Variants in RTL4 observed in about 807,000 individuals in gnomAD.
RTL4 encodes retrotransposon Gag like 4.
RTL4 carries 4 observed loss-of-function variants against 5.3 expected under a neutral mutation model. That is an observed-to-expected ratio of 0.75 (90% CI 0.37 to 1.72). RTL4 has a LOEUF of 1.72. Ranked by LOEUF, RTL4 falls within the 40% of genes most tolerant of loss-of-function variation. RTL4 has a pLI of 0.04. For synonymous variants in RTL4, 98 were observed against 87.3 expected (o/e 1.12, Z -0.68); for missense variants, 260 against 227.1 (o/e 1.14, Z -0.93).
At chrX:112,296,678 C>T in the RTL4 span, among the ~76,000 whole-genome samples, 1 of 105,055 alleles carries the variant, frequency 9.5e-6, no homozygotes, top group Non-Finnish European at 1.9e-5. Context: ...GGCACAATCT[C>T]GGCTCACTGC....
chrX:112,290,202 G>A, the RTL4 span, among the ~76,000 whole-genome samples: 28,175 of 110,788 alleles, frequency 0.25, 3,159 homozygotes, highest in African/African-American at 0.4. Flanking sequence ...AAAGGTAGCT[G>A]TTGATCATTG....
chrX:112,184,878 C>A, the RTL4 span, among the ~76,000 whole-genome samples: 1 of 111,623 alleles, frequency 9.0e-6, no homozygotes, highest in Non-Finnish European at 1.9e-5. Context: ...ACCTAAATAT[C>A]AGCTATCTTG....
the RTL4 span, among the ~76,000 whole-genome samples, chrX:112,286,104 G>A: frequency 2.7e-5 from 3 of 111,624 alleles, no homozygotes; most frequent in African/African-American, 6.5e-5. Context: ...TACTGTGTTT[G>A]ATAGGGTGAT....
the RTL4 span, among the ~76,000 whole-genome samples, chrX:112,163,581 A>G: frequency 1.8e-5 from 2 of 112,128 alleles, no homozygotes; most frequent in African/African-American, 3.2e-5. Flanking sequence ...TTGCATAACC[A>G]GAAACTGCTT....
At chrX:112,229,158 G>T in the RTL4 span, among the ~76,000 whole-genome samples, 1 of 112,056 alleles carries the variant, frequency 8.9e-6, no homozygotes, top group African/African-American at 3.2e-5. Flanking sequence ...TGTTCCTCCT[G>T]TTGGAGGGGC....
At chrX:112,083,088 C>T in the RTL4 span, among the ~76,000 whole-genome samples, 2 of 110,597 alleles carry the variant, frequency 1.8e-5, no homozygotes, top group African/African-American at 6.6e-5. Flanking sequence ...CCCCGCTGCC[C>T]CGTCCCACCG....
the RTL4 span, among the ~76,000 whole-genome samples, chrX:112,238,252 G>C: frequency 8.9e-6 from 1 of 111,780 alleles, no homozygotes; most frequent in Non-Finnish European, 1.9e-5. Flanking sequence ...ATATTTTTAT[G>C]TCTATCACCA....
chrX:112,242,280 C>T, the RTL4 span, among the ~76,000 whole-genome samples: 1 of 111,608 alleles, frequency 9.0e-6, no homozygotes, highest in African/African-American at 3.3e-5. Flanking sequence ...TATAAATTAC[C>T]TTGGGCAGTA....
chrX:112,190,204 CT>C, the RTL4 span, among the ~76,000 whole-genome samples: 4 of 63,001 alleles, frequency 6.3e-5, no homozygotes, highest in African/African-American at 2.6e-4. Flanking sequence ...TTCTTTCTTT[CT>C]TTTTTCTATA....
chrX:112,240,362 A>T, the RTL4 span, among the ~76,000 whole-genome samples: 1 of 112,024 alleles, frequency 8.9e-6, no homozygotes, highest in South Asian at 3.7e-4. Flanking sequence ...GTGTTACTGG[A>T]GTCTTGGAAG....
At chrX:112,376,111 G>A in the RTL4 span, among the ~76,000 whole-genome samples, 15 of 110,742 alleles carry the variant, frequency 1.4e-4, no homozygotes, top group East Asian at 4.3e-3. Context: ...GTGGATAGAG[G>A]CCAGAGATGC....
the RTL4 span, among the ~76,000 whole-genome samples, chrX:112,119,886 TG>T: frequency 8.9e-6 from 1 of 112,407 alleles, no homozygotes; most frequent in East Asian, 2.8e-4. Context: ...TGTGTAATAA[TG>T]TTCATCTGTT....
the RTL4 span, among the ~76,000 whole-genome samples, chrX:112,165,581 A>ATC: frequency 2.5e-3 from 276 of 109,758 alleles, 3 homozygotes; most frequent in African/African-American, 8.6e-3. Context: ...ACTGACTTAA[A>ATC]TCTCTCTCTC....
chrX:112,225,668 T>C, the RTL4 span, among the ~76,000 whole-genome samples: 1 of 111,647 alleles, frequency 9.0e-6, no homozygotes, highest in East Asian at 2.8e-4. Flanking sequence ...TACAGATTCC[T>C]GGGCTGCACT....
chrX:112,391,878 G>T, the RTL4 span, among the ~76,000 whole-genome samples: 1 of 111,240 alleles, frequency 9.0e-6, no homozygotes, highest in Admixed American at 9.5e-5. Flanking sequence ...GTGGTTGTGA[G>T]CAAGGGTCTT....
the RTL4 span, among the ~76,000 whole-genome samples, chrX:112,330,149 G>T: frequency 1.0e-5 from 1 of 99,371 alleles, no homozygotes; most frequent in Non-Finnish European, 2.0e-5. Context: ...AGTGTTGGAA[G>T]TTCTGGCCAG....
At chrX:112,167,592 CTT>C in the RTL4 span, among the ~76,000 whole-genome samples, 4 of 110,626 alleles carry the variant, frequency 3.6e-5, no homozygotes, top group African/African-American at 1.3e-4. Flanking sequence ...GCCTGCTACT[CTT>C]TCTTTTGATC....
chrX:112,327,631 A>G, the RTL4 span, among the ~76,000 whole-genome samples: 17 of 109,683 alleles, frequency 1.5e-4, 1 homozygote, highest in African/African-American at 4.7e-4. Context: ...GCAGGCCAAC[A>G]TTCAGATTCA....
chrX:112,263,213 AAAG>A, the RTL4 span, among the ~76,000 whole-genome samples: 2 of 110,040 alleles, frequency 1.8e-5, no homozygotes, highest in Non-Finnish European at 3.8e-5. Flanking sequence ...AAAAAAAAAA[AAAG>A]AAGCAGTAAA....
Sources: allele counts gnomAD v4.1 joint callset (sites outside exome capture counted in the v4.1 genomes callset), GRCh38; gene constraint gnomAD v4.1.1; transcripts MANE v1.5; gene names NCBI Gene and HGNC (gene_info 2026-07-23, HGNC 2026-07-21).